CYTIP: variants seen among roughly 807,000 people sequenced by gnomAD.
CYTIP encodes cytohesin 1 interacting protein.
Under a neutral mutation model 43.8 loss-of-function variants are expected in CYTIP, and 26 were observed. The observed-to-expected ratio is 0.59, with a 90% CI of 0.44 to 0.82. The LOEUF (loss-of-function observed/expected upper bound fraction) is 0.82, where lower values mean the gene tolerates loss of function less well. CYTIP is among the 40% of genes least tolerant of loss of function. CYTIP has a pLI of 0.00. For missense variants in CYTIP, 426 were observed against 443.1 expected, an observed-to-expected ratio of 0.96 and a Z score of 0.35; for synonymous variants, 162 against 162.9, an observed-to-expected ratio of 0.99 and a Z score of 0.04.
At chr2:157,439,233 C>T (rs1685863431) in intron 1 of CYTIP, 1 of 152,770 alleles carries the variant, frequency 6.5e-6, no homozygotes, top group African/African-American at 2.4e-5. Flanking sequence ...CTGTTTCAAG[C>T]ATCTAACACT....
Position 157,415,701 on chromosome 2 carries a change from C to T in CYTIP, c.1056G>A (p.Val352=), listed in dbSNP as rs1292296439. Reference sequence around the variant, plus strand: ...GTCAAAAGCGACTTTCTTCCTCTTCCACAGCACGATGAAGGCCAGGGATAA... The same window carrying T: ...GTCAAAAGCGACTTTCTTCCTCTTCTACAGCACGATGAAGGCCAGGGATAA... ...LKFIPGLHRA[V]EEEESRF is the part of the protein sequence containing the mutation. The change falls in exon 8 of 8, where the codon GTG becomes GTA. Residue 352 remains valine, a synonymous_variant. Coordinates refer to ENST00000264192, the MANE Select transcript of CYTIP (RefSeq NM_004288.5). The T allele has an allele frequency of 1.2e-6, 2 of 1,611,718 alleles. No individual in the cohort carries two copies. The highest frequency in any genetic ancestry group is 1.7e-6 in the Non-Finnish European group (2 of 1,178,468).
At chr2:157,437,327 T>C (rs999967192) in intron 1 of CYTIP, among the ~76,000 whole-genome samples, 15 of 151,820 alleles carry the variant, frequency 9.9e-5, no homozygotes, top group Admixed American at 6.6e-4. Flanking sequence ...ATATCCAGAA[T>C]ATATAATGAA....
rs1685700021 is a variant in CYTIP at position 157,430,794 on chromosome 2, A to G, written c.382+66T>C. The G allele has an allele frequency of 8.0e-6, 12 of 1,491,556 alleles. No individual in the cohort carries two copies. The South Asian group carries it at 1.4e-4, about 18-fold the overall frequency. 92.4% of individuals were successfully genotyped at this position (1,491,556 alleles called of 1,614,324 possible). On this transcript the variant is annotated intron_variant, in intron 4 of 7. Transcript: ENST00000264192. Reference sequence around the variant, plus strand: ...AAGCAACAAATACATCCTGACCTTCACTCTCAAAACATTTTATTTTCTTTC... The same window carrying G: ...AAGCAACAAATACATCCTGACCTTCGCTCTCAAAACATTTTATTTTCTTTC...
intron 6 of CYTIP, among the ~76,000 whole-genome samples, chr2:157,424,537 C>T (rs1331466596): frequency 1.3e-5 from 2 of 151,666 alleles, no homozygotes; most frequent in African/African-American, 4.8e-5. Flanking sequence ...ATATAATGTG[C>T]AATCAGAGCC....
chr2:157,429,078 G>C (rs1685657853), intron 5 of CYTIP, among the ~76,000 whole-genome samples: 1 of 152,172 alleles, frequency 6.6e-6, no homozygotes, highest in Non-Finnish European at 1.5e-5. Flanking sequence ...TGGCTGTGAA[G>C]AATAAATGAC....
At chr2:157,429,547 C>CT (rs1431836594) in intron 5 of CYTIP, among the ~76,000 whole-genome samples, 1 of 152,166 alleles carries the variant, frequency 6.6e-6, no homozygotes, top group Non-Finnish European at 1.5e-5. Context: ...CTAAGAGAGT[C>CT]TTTATCTTCG....
intron 1 of CYTIP, among the ~76,000 whole-genome samples, chr2:157,442,594 T>C (rs1685934377): frequency 6.6e-6 from 1 of 152,202 alleles, no homozygotes; most frequent in African/African-American, 2.4e-5. Flanking sequence ...ATGTCAGCAT[T>C]TCTCATGTTG....
chr2:157,438,015 A>G (rs1685840589), intron 1 of CYTIP, among the ~76,000 whole-genome samples: 2 of 152,224 alleles, frequency 1.3e-5, no homozygotes, highest in African/African-American at 4.8e-5. Flanking sequence ...CCGCAATCCC[A>G]CTACTGGGAA....
chr2:157,415,699 T>C lies in CYTIP; in HGVS notation c.1058A>G (p.Glu353Gly), dbSNP rs1194432498. ...KFIPGLHRAVEEEESRF is the reference protein window; with the variant it reads ...KFIPGLHRAVGEEESRF ...CCGTCAAAAGCGACTTTCTTCCTCT[T>C]CCACAGCACGATGAAGGCCAGGGAT... The change falls in exon 8 of 8, where the codon GAA (glutamate) becomes GGA (glycine). Residue 353 changes from glutamate to glycine, a missense_variant. Physicochemically the swap from Glu to Gly is moderately conservative, Grantham distance 98. Transcript: ENST00000264192. The C allele has an allele frequency of 6.2e-7, 1 of 1,611,222 alleles. No individual in the cohort carries two copies. The highest frequency in any genetic ancestry group is 2.2e-5 in the East Asian group (1 of 44,858).
At position 157,415,432 on chromosome 2, in the gene CYTIP, C is replaced by A. The variant is rs1360249140; in HGVS notation, c.*245G>T. 4.9e-6 allele frequency: 2 copies of A among 408,206 alleles called. No homozygotes were observed. The highest frequency in any genetic ancestry group is 8.9e-6 in the Non-Finnish European group (2 of 224,784). 25.3% of individuals were successfully genotyped at this position (408,206 alleles called of 1,614,324 possible). ...AGACATTACTGGAATGAGCAGGAAC[C>A]TGCATCTTTGTTATATTAATTAACT... On this transcript the variant is annotated 3_prime_UTR_variant, in exon 8 of 8. Coordinates refer to ENST00000264192, the MANE Select transcript of CYTIP (RefSeq NM_004288.5).
In CYTIP at chr2:157,444,031, G is replaced by C; in HGVS notation, c.-11C>G. The C allele has an allele frequency of 2.5e-6, 4 of 1,613,158 alleles. No homozygotes were observed. The highest frequency in any genetic ancestry group is 3.4e-6 in the Non-Finnish European group (4 of 1,179,594). On this transcript the variant is annotated 5_prime_UTR_variant, in exon 1 of 8. The change creates a new upstream start codon in the 5' untranslated region. Coordinates refer to ENST00000264192, the MANE Select transcript of CYTIP (RefSeq NM_004288.5). ...CCTTTGTAAAGACATTGTGAATAAAGATCACTCCAGCTAGCACATGGTTGA... is the reference window on the plus strand; with the variant it reads ...CCTTTGTAAAGACATTGTGAATAAACATCACTCCAGCTAGCACATGGTTGA...
Position 157,415,014 on chromosome 2 carries a change from A to G in CYTIP, c.*663T>C, listed in dbSNP as rs1685417908. The G allele has an allele frequency of 1.3e-5, 2 of 152,178 alleles. No individual in the cohort carries two copies. Among genetic ancestry groups the G allele is most frequent in the South Asian group, 2.1e-4 (1 of 4,834 alleles). 9.4% of individuals were successfully genotyped at this position (152,178 alleles called of 1,614,324 possible). A position where few individuals can be genotyped will look rare whatever the true frequency, so the allele number is the denominator to read the frequency against. ...GGCAAAAAACACGACATCCCCACCC[A>G]TTTTGTTTAGACTGTCTATAAAAAT... On this transcript the variant is annotated 3_prime_UTR_variant, in exon 8 of 8. Transcript: ENST00000264192.
chr2:157,428,541 C>A (rs1685649350), intron 5 of CYTIP, among the ~76,000 whole-genome samples: 1 of 152,208 alleles, frequency 6.6e-6, no homozygotes, highest in Non-Finnish European at 1.5e-5. Context: ...AAACTGCAAC[C>A]ATTGATTTGG....
chr2:157,433,442 A>T (rs971922444), intron 3 of CYTIP, among the ~76,000 whole-genome samples: 1 of 152,168 alleles, frequency 6.6e-6, no homozygotes, highest in Non-Finnish European at 1.5e-5. Flanking sequence ...TCCTGTTCCT[A>T]ATCTTAAAAT....
intron 3 of CYTIP, among the ~76,000 whole-genome samples, chr2:157,433,467 C>G (rs923169949): frequency 6.6e-6 from 1 of 151,988 alleles, no homozygotes; most frequent in Non-Finnish European, 1.5e-5. Flanking sequence ...ACTGACTTTC[C>G]AATTGTGGGG....
intron 6 of CYTIP, among the ~76,000 whole-genome samples, chr2:157,423,293 A>G (rs1194812747): frequency 1.3e-5 from 2 of 152,040 alleles, no homozygotes; most frequent in Non-Finnish European, 2.9e-5. Flanking sequence ...GTAGAGAAAG[A>G]GTTATCAAGA....
chr2:157,429,420 C>A (rs981698089), intron 5 of CYTIP, among the ~76,000 whole-genome samples: 1 of 152,214 alleles, frequency 6.6e-6, no homozygotes, highest in African/African-American at 2.4e-5. Flanking sequence ...TCTTACCTAG[C>A]ATGACAGGCC....
intron 1 of CYTIP, among the ~76,000 whole-genome samples, chr2:157,441,804 T>C (rs1251603126): frequency 6.6e-6 from 1 of 152,212 alleles, no homozygotes; most frequent in Non-Finnish European, 1.5e-5. Flanking sequence ...GTCTCCTTTC[T>C]GTTCCCCCAT....
chr2:157,430,548 C>G lies in CYTIP; in HGVS notation c.476+11G>C. On this transcript the variant is annotated intron_variant, in intron 5 of 7. Transcript: ENST00000264192. Reference sequence around the variant, plus strand: ...ATTTTGAAGCCCCACGGGAACTAGACAGATAGTTACGTTAGCAGGTTTCCG... The same window carrying G: ...ATTTTGAAGCCCCACGGGAACTAGAGAGATAGTTACGTTAGCAGGTTTCCG... 6.2e-7 allele frequency: 1 copy of G among 1,611,984 alleles called. No individual in the cohort carries two copies.
Sources: allele counts gnomAD v4.1 joint callset (sites outside exome capture counted in the v4.1 genomes callset), GRCh38; gene constraint gnomAD v4.1.1; transcripts MANE v1.5; gene names NCBI Gene and HGNC (gene_info 2026-07-23, HGNC 2026-07-21).